IGF1R: variants seen among roughly 807,000 people sequenced by gnomAD.
IGF1R encodes insulin like growth factor 1 receptor.
Under a neutral mutation model 144.6 loss-of-function variants are expected in IGF1R, and 44 were observed. The ratio of observed to expected loss-of-function variants is 0.30; its 90% CI spans 0.24 to 0.39. The LOEUF (loss-of-function observed/expected upper bound fraction) is 0.39, where lower values mean the gene tolerates loss of function less well. IGF1R is among the 10% of genes least tolerant of loss of function. IGF1R has a pLI of 1.00. For missense variants in IGF1R, 1,355 were observed against 1,833.7 expected (o/e 0.74, Z 4.77); for synonymous variants, 795 against 722.8 (o/e 1.10, Z -1.60).
chr15:98,722,438 T>C (rs770920460), intron 2 of IGF1R, among the ~76,000 whole-genome samples: 4 of 152,232 alleles, frequency 2.6e-5, no homozygotes, highest in Non-Finnish European at 5.9e-5. Context: ...TGAGTTGTAA[T>C]GCAAAACTTT....
At chr15:98,872,073 C>T (rs1567171254) in intron 2 of IGF1R, among the ~76,000 whole-genome samples, 1 of 152,190 alleles carries the variant, frequency 6.6e-6, no homozygotes, top group Non-Finnish European at 1.5e-5. Flanking sequence ...ATCCTGAAGA[C>T]CCTTCACAAT....
At chr15:98,668,012 A>G (rs1174797501) in intron 1 of IGF1R, among the ~76,000 whole-genome samples, 1 of 152,144 alleles carries the variant, frequency 6.6e-6, no homozygotes, top group African/African-American at 2.4e-5. Flanking sequence ...GGCTAAAACC[A>G]CAGACTTATG....
chr15:98,892,758 G>C (rs2013992253), intron 3 of IGF1R, among the ~76,000 whole-genome samples: 1 of 152,134 alleles, frequency 6.6e-6, no homozygotes, highest in South Asian at 2.1e-4. Context: ...GCTCACGCCT[G>C]TAATCCCAAC....
At chr15:98,816,428 G>A (rs1334070467) in intron 2 of IGF1R, among the ~76,000 whole-genome samples, 2 of 152,114 alleles carry the variant, frequency 1.3e-5, no homozygotes, top group East Asian at 3.9e-4. Flanking sequence ...TGCCTGTGTT[G>A]AATATGGTGG....
At position 98,959,630 on chromosome 15, in the gene IGF1R, G is replaced by A. The variant is rs2017145868; in HGVS notation, c.*2188G>A. ...AGGAATCCAGGTCCTTGGGGCCCAG[G>A]GGTCTTGTCTTGTTTCATTTTTAGC... On this transcript the variant is annotated 3_prime_UTR_variant, in exon 21 of 21. Transcript: ENST00000650285. 1 of 233,538 alleles carries A rather than the reference G, an allele frequency of 4.3e-6. No individual in the cohort carries two copies. The highest frequency in any genetic ancestry group is 5.6e-5 in the Admixed American group (1 of 17,782). 14.5% of individuals were successfully genotyped at this position (233,538 alleles called of 1,614,324 possible). A position where few individuals can be genotyped will look rare whatever the true frequency, so the allele number is the denominator to read the frequency against.
At chr15:98,723,547 A>G (rs2054291502) in intron 2 of IGF1R, among the ~76,000 whole-genome samples, 1 of 152,254 alleles carries the variant, frequency 6.6e-6, no homozygotes, top group African/African-American at 2.4e-5. Flanking sequence ...GTCATTTGAA[A>G]TAATGGAAAG....
intron 19 of IGF1R, among the ~76,000 whole-genome samples, chr15:98,943,419 C>G (rs935590106): frequency 6.6e-6 from 1 of 152,206 alleles, no homozygotes; most frequent in Non-Finnish European, 1.5e-5. Flanking sequence ...GTCTGTGTGT[C>G]TGCCTCACCT....
intron 2 of IGF1R, among the ~76,000 whole-genome samples, chr15:98,727,935 T>C (rs1404781467): frequency 6.6e-6 from 1 of 151,192 alleles, no homozygotes; most frequent in Non-Finnish European, 1.5e-5. Context: ...AAAGTAAATC[T>C]CTCTTCCCCT....
chr15:98,706,105 C>G (rs1260117432), intron 1 of IGF1R, among the ~76,000 whole-genome samples: 2 of 152,232 alleles, frequency 1.3e-5, no homozygotes, highest in African/African-American at 4.8e-5. Flanking sequence ...CCATTCACAT[C>G]TAGAGTGGAC....
At chr15:98,662,405 T>G (rs903638362) in intron 1 of IGF1R, among the ~76,000 whole-genome samples, 1 of 152,128 alleles carries the variant, frequency 6.6e-6, no homozygotes, top group African/African-American at 2.4e-5. Flanking sequence ...AATGGGTTTT[T>G]AGGTTAACCA....
chr15:98,804,611 C>T (rs541170708), intron 2 of IGF1R, among the ~76,000 whole-genome samples: 2 of 152,214 alleles, frequency 1.3e-5, no homozygotes, highest in Admixed American at 6.5e-5. Flanking sequence ...ATTGTGAATG[C>T]GATTGTGACT....
chr15:98,812,814 G>A (rs182222881), intron 2 of IGF1R, among the ~76,000 whole-genome samples: 1 of 152,262 alleles, frequency 6.6e-6, no homozygotes, highest in Admixed American at 6.5e-5. Flanking sequence ...CCTGCTTGGG[G>A]CATTGTCCTT....
chr15:98,879,974 G>A (rs2013284784), intron 2 of IGF1R, among the ~76,000 whole-genome samples: 2 of 152,178 alleles, frequency 1.3e-5, no homozygotes, highest in Admixed American at 1.3e-4. Flanking sequence ...CTGGGAAAGG[G>A]GCGTGGGAAG....
chr15:98,834,666 A>G (rs1431136213), intron 2 of IGF1R, among the ~76,000 whole-genome samples: 1 of 152,196 alleles, frequency 6.6e-6, no homozygotes, highest in South Asian at 2.1e-4. Context: ...AGAACCATGT[A>G]ACAGCTCTGC....
chr15:98,729,354 C>T (rs1013428851), intron 2 of IGF1R, among the ~76,000 whole-genome samples: 2 of 152,174 alleles, frequency 1.3e-5, no homozygotes, highest in Non-Finnish European at 2.9e-5. Flanking sequence ...AAGTAATAAG[C>T]ACTTATTTTT....
intron 2 of IGF1R, among the ~76,000 whole-genome samples, chr15:98,724,800 C>T (rs936931951): frequency 6.6e-6 from 1 of 152,160 alleles, no homozygotes; most frequent in African/African-American, 2.4e-5. Flanking sequence ...CCCTCAGAGC[C>T]GGATCCTTCA....
intron 1 of IGF1R, among the ~76,000 whole-genome samples, chr15:98,698,910 C>T (rs907252447): frequency 6.6e-6 from 1 of 152,164 alleles, no homozygotes; most frequent in Admixed American, 6.5e-5. Context: ...GAGTACAGGT[C>T]ACTTAAGGAA....
intron 2 of IGF1R, among the ~76,000 whole-genome samples, chr15:98,765,939 G>T (rs1412022348): frequency 6.6e-6 from 1 of 152,158 alleles, no homozygotes; most frequent in Non-Finnish European, 1.5e-5. Flanking sequence ...CTGATGCCAC[G>T]CAAGGGAGAG....
At chr15:98,657,502 A>G (rs1204678749) in intron 1 of IGF1R, among the ~76,000 whole-genome samples, 1 of 152,232 alleles carries the variant, frequency 6.6e-6, no homozygotes, top group African/African-American at 2.4e-5. Context: ...ATAATACACA[A>G]GCTTACAGAC....
Sources: allele counts gnomAD v4.1 joint callset (sites outside exome capture counted in the v4.1 genomes callset), GRCh38; gene constraint gnomAD v4.1.1; transcripts MANE v1.5; gene names NCBI Gene and HGNC (gene_info 2026-07-23, HGNC 2026-07-21).